SVIL: variants seen among roughly 807,000 people sequenced by gnomAD.
SVIL encodes supervillin, also known as archvillin.
In SVIL, 101 loss-of-function variants were observed where a neutral mutation model predicts 240.4. The ratio of observed to expected loss-of-function variants is 0.42; its 90% CI spans 0.36 to 0.50. The LOEUF (loss-of-function observed/expected upper bound fraction) is 0.50, where lower values mean the gene tolerates loss of function less well. SVIL is among the 20% of genes least tolerant of loss of function. The probability of loss-of-function intolerance (pLI) is 0.01; values close to 1 mark genes in which losing one functional copy is unlikely to be tolerated. For missense variants in SVIL, 2,512 were observed against 2,818.7 expected (o/e 0.89, Z 2.46); for synonymous variants, 999 against 1,100.0 (o/e 0.91, Z 1.82).
chr10:29,596,860 A>G (rs1053148949), intron 1 of SVIL, among the ~76,000 whole-genome samples: 3 of 152,188 alleles, frequency 2.0e-5, no homozygotes, highest in Non-Finnish European at 4.4e-5. Flanking sequence ...AGAATTCACA[A>G]AGGGCTTTAA....
At chr10:29,473,568 GCCAC>G in intron 30 of SVIL, 1 of 501,978 alleles carries the variant, frequency 2.0e-6, no homozygotes, top group Non-Finnish European at 3.5e-6. Flanking sequence ...ACCTTTCAAA[GCCAC>G]CCATTGGCCA....
intron 14 of SVIL, 38 bp from the exon 15 acceptor site, chr10:29,524,065 A>G (rs1950735167): frequency 7.1e-6 from 11 of 1,542,000 alleles, no homozygotes; most frequent in Non-Finnish European, 9.6e-6. Flanking sequence ...AGCTGCTTGA[A>G]AAATATCATC....
In SVIL at chr10:29,655,392, AG is replaced by A. The variant is rs537258792; in HGVS notation, c.-201+2576del. 3.2e-4 allele frequency among the ~76,000 whole-genome samples: 48 copies of A among 152,328 alleles called. 2 individuals carry two copies. The East Asian group carries it at 9.3e-3, about 29-fold the overall frequency. On this transcript the variant is annotated intron_variant, in intron 3 of 35. Transcript: ENST00000375400. ...AACCTGGAATTTGATGTCCAAGGGC[AG>A]GAGGAGTAGAAGGAAGCATCCAGCA...
rs537910423 is a variant in SVIL at position 29,579,466 on chromosome 10, A to C, written c.-200-10154T>G. ...AAAACAAAACAAACAAACAAAACAA[A>C]AAACAAAAAACAAAAACGGGGACAA... On this transcript the variant is annotated intron_variant, in intron 1 of 37. Transcript: ENST00000355867. 2.7e-5 allele frequency among the ~76,000 whole-genome samples: 4 copies of C among 150,708 alleles called. No homozygotes were observed. The East Asian group carries it at 5.9e-4, about 22-fold the overall frequency.
rs766485783 is a variant in SVIL, at chr10:29,533,209, T to G, written c.1158A>C (p.Glu386Asp). The change falls in exon 8 of 38, where the codon GAA (glutamate) becomes GAC (aspartate). Residue 386 changes from glutamate to aspartate, a missense_variant. Transcript: ENST00000355867. ...CTACCCAGCTACACTCAGATGCATT[T>G]TCTGGGGTTTCTGGCGTCACTAGCT... Reference protein sequence around the residue: ...TAKLVTPETPENASECSWVAS... With the variant: ...TAKLVTPETPDNASECSWVAS... 6.2e-7 allele frequency: 1 copy of G among 1,613,970 alleles called. No homozygotes were observed. Among genetic ancestry groups the G allele is most frequent in the African/African-American group, 1.3e-5 (1 of 74,896 alleles).
upstream of SVIL, among the ~76,000 whole-genome samples, chr10:29,639,572 G>A (rs569318684): frequency 2.0e-4 from 30 of 150,454 alleles, no homozygotes; most frequent in Non-Finnish European, 2.9e-4. Context: ...AAGTTCAAGC[G>A]ATTCTCCTAC....
intron 5 of SVIL, among the ~76,000 whole-genome samples, chr10:29,552,621 AG>A (rs899024445): frequency 9.9e-5 from 15 of 152,166 alleles, no homozygotes; most frequent in African/African-American, 3.4e-4. Flanking sequence ...ATATCATTTA[AG>A]GGTCCTAACA....
intron 29 of SVIL, among the ~76,000 whole-genome samples, chr10:29,480,152 C>G (rs909314123): frequency 6.6e-6 from 1 of 152,122 alleles, no homozygotes; most frequent in Non-Finnish European, 1.5e-5. Flanking sequence ...CTTTAAATCA[C>G]GAAGATATGC....
rs202155858 is a variant in SVIL at position 29,480,736 on chromosome 10, G to A, written c.5178C>T (p.Ile1726=). 2.5e-6 allele frequency: 4 copies of A among 1,614,172 alleles called. No individual in the cohort carries two copies. In the African/African-American group the frequency reaches 5.3e-5, roughly 22 times the overall value. The change falls in exon 29 of 38, where the codon ATC becomes ATT. Residue 1726 remains isoleucine, a synonymous_variant. Coordinates refer to ENST00000355867, the MANE Select transcript of SVIL (RefSeq NM_021738.3). ...CACGGCCGACGTTCACTCCGTCCAGGATGGTGCCTGCTGTCGTCTGGGGCA... is the reference window on the plus strand; with the variant it reads ...CACGGCCGACGTTCACTCCGTCCAGAATGGTGCCTGCTGTCGTCTGGGGCA... ...VSMPQTTAGT[I]LDGVNVGRGY...
intron 16 of SVIL, among the ~76,000 whole-genome samples, chr10:29,513,480 G>A (rs1950000609): frequency 6.6e-6 from 1 of 152,170 alleles, no homozygotes; most frequent in Admixed American, 6.5e-5. Context: ...AGGTTGCAGT[G>A]AGCCGAGATT....
At position 29,526,947 on chromosome 10, in the gene SVIL, T is replaced by C; in HGVS notation, c.2342+14A>G. ...TTGCACCGGGTGCCGCATGCATCTG[T>C]ATCTGTCCAGTACCTGGCAGGCTGC... On this transcript the variant is annotated intron_variant, in intron 13 of 37. Coordinates refer to ENST00000355867, the MANE Select transcript of SVIL (RefSeq NM_021738.3). 6.4e-7 allele frequency: 1 copy of C among 1,571,188 alleles called. No homozygotes were observed. The highest frequency in any genetic ancestry group is 2.0e-5 in the Admixed American group (1 of 49,294).
Position 29,488,731 on chromosome 10 carries a change from T to C in SVIL, c.4218A>G (p.Glu1406=), listed in dbSNP as rs752171482. The change falls in exon 23 of 38, where the codon GAA becomes GAG. Residue 1406 remains glutamate (E), a synonymous_variant. Coordinates refer to ENST00000355867, the MANE Select transcript of SVIL (RefSeq NM_021738.3). ...TACTGGCTAAACCCGCCAGGGTGAC[T>C]TCTGAGAAGTTGGAGTTGGAAGACA... ...EKMSSNSNFS[E]VTLAGLASKE... The C allele has an allele frequency of 6.2e-7, 1 of 1,612,742 alleles. No individual in the cohort carries two copies. The highest frequency in any genetic ancestry group is 8.5e-7 in the Non-Finnish European group (1 of 1,179,548).
chr10:29,562,245 TAC>T (rs1365154971), intron 3 of SVIL, among the ~76,000 whole-genome samples: 2 of 152,210 alleles, frequency 1.3e-5, no homozygotes, highest in Non-Finnish European at 2.9e-5. Context: ...GTGCTAGTGT[TAC>T]AGTTACAAAG....
intron 17 of SVIL, among the ~76,000 whole-genome samples, chr10:29,505,015 A>G (rs1394015816): frequency 6.6e-6 from 1 of 152,224 alleles, no homozygotes; most frequent in Non-Finnish European, 1.5e-5. Context: ...TCGACGATAC[A>G]AAGAAAAAAG....
At chr10:29,607,857 TAAG>T (rs957301127) in intron 1 of SVIL, among the ~76,000 whole-genome samples, 8 of 152,142 alleles carry the variant, frequency 5.3e-5, no homozygotes, top group African/African-American at 1.2e-4. Flanking sequence ...GAACCTGGAG[TAAG>T]AAGAAGATGT....
At chr10:29,597,284 G>A (rs993178115) in intron 1 of SVIL, among the ~76,000 whole-genome samples, 8 of 152,298 alleles carry the variant, frequency 5.3e-5, no homozygotes, top group African/African-American at 1.4e-4. Flanking sequence ...CAGAAAGCCC[G>A]CCCTGAGGGA....
At position 29,529,715 on chromosome 10, in the gene SVIL, T is replaced by C; in HGVS notation, c.2236A>G (p.Ile746Val). Reference protein sequence around the residue: ...TQPITTEEVVIAATEPIPASC... With the variant: ...TQPITTEEVVVAATEPIPASC... ...CCTGTGGGCACTTACGTGGCTGCGATGACCACCTCTTCAGTGGTGATGGGC... is the reference window on the plus strand; with the variant it reads ...CCTGTGGGCACTTACGTGGCTGCGACGACCACCTCTTCAGTGGTGATGGGC... Residue 746 changes from isoleucine to valine, a missense_variant, in exon 12 of 38, where the codon ATC becomes GTC. This residue lies in a region of SVIL where 1,443 missense variants were observed against 1,486.6 expected (regional missense o/e 0.97). Coordinates refer to ENST00000355867, the MANE Select transcript of SVIL (RefSeq NM_021738.3). 1.2e-6 allele frequency: 2 copies of C among 1,606,974 alleles called. No individual in the cohort carries two copies. The highest frequency in any genetic ancestry group is 1.7e-4 in the Middle Eastern group (1 of 5,994).
chr10:29,613,557 T>C (rs1276697648), intron 1 of SVIL, among the ~76,000 whole-genome samples: 1 of 152,038 alleles, frequency 6.6e-6, no homozygotes, highest in Non-Finnish European at 1.5e-5. Flanking sequence ...GGGCTTGTCT[T>C]GAACTCCTGG....
intron 2 of SVIL, among the ~76,000 whole-genome samples, chr10:29,674,335 A>G (rs1351087152): frequency 1.3e-5 from 2 of 152,112 alleles, no homozygotes; most frequent in Admixed American, 6.5e-5. Flanking sequence ...TGTCTCAAAA[A>G]AAGTGGGGGG....
Sources: gnomAD v4.1 joint callset for allele counts (sites outside exome capture counted in the v4.1 genomes callset) on GRCh38, gnomAD v4.1.1 for gene constraint, gnomAD v4.1.1 regional missense constraint, MANE v1.5 for transcripts, NCBI Gene and HGNC (gene_info 2026-07-23, HGNC 2026-07-21) for gene names.